TLN2: variants seen among roughly 807,000 people sequenced by gnomAD.
TLN2 encodes the protein talin-2.
Under a neutral mutation model 294.7 loss-of-function variants are expected in TLN2, and 118 were observed. The ratio of observed to expected loss-of-function variants is 0.40; its 90% CI spans 0.34 to 0.47. The LOEUF (loss-of-function observed/expected upper bound fraction) is 0.47, where lower values mean the gene tolerates loss of function less well. TLN2 is among the 20% of genes least tolerant of loss of function. The pLI is 0.84. For synonymous variants in TLN2, 1,431 were observed against 1,304.5 expected (o/e 1.10, Z -2.09); for missense variants, 3,083 against 3,282.2 (o/e 0.94, Z 1.48).
intron 54 of TLN2, chr15:62,831,263 A>G (rs2141243786): frequency 6.6e-6 from 1 of 152,140 alleles, no homozygotes; most frequent in African/African-American, 2.4e-5. Flanking sequence ...GTAGCTGAGG[A>G]CACCTGAGGC....
intron 1 of TLN2, among the ~76,000 whole-genome samples, chr15:62,535,268 T>G (rs1472878108): frequency 6.6e-6 from 1 of 152,058 alleles, no homozygotes; most frequent in Non-Finnish European, 1.5e-5. Context: ...CTTCCAAAAC[T>G]CAGAAACCTC....
At chr15:62,720,584 A>G (rs1478625632) in intron 25 of TLN2, among the ~76,000 whole-genome samples, 1 of 152,188 alleles carries the variant, frequency 6.6e-6, no homozygotes, top group East Asian at 1.9e-4. Flanking sequence ...TCTAACATGC[A>G]GAAATAAAAC....
chr15:62,488,239 G>A (rs1595917158), intron 1 of TLN2, among the ~76,000 whole-genome samples: 1 of 152,182 alleles, frequency 6.6e-6, no homozygotes, highest in South Asian at 2.1e-4. Context: ...TGTCTTGACT[G>A]TCCTCCATAG....
chr15:62,829,046 G>C (rs2068496036), intron 54 of TLN2: 1 of 151,768 alleles, frequency 6.6e-6, no homozygotes, highest in South Asian at 2.1e-4. Flanking sequence ...TCTTTAACCA[G>C]ATCCTCAGGT....
At chr15:62,436,730 T>G (rs1457105303) in intron 1 of TLN2, among the ~76,000 whole-genome samples, 1 of 152,194 alleles carries the variant, frequency 6.6e-6, no homozygotes, top group African/African-American at 2.4e-5. Flanking sequence ...CTTTATTTAT[T>G]TATTTTTTTT....
intron 1 of TLN2, among the ~76,000 whole-genome samples, chr15:62,451,998 G>C (rs894976508): frequency 5.9e-5 from 9 of 152,134 alleles, no homozygotes; most frequent in African/African-American, 2.2e-4. Flanking sequence ...TGGGCAAAGG[G>C]TGATTGTAAC....
At chr15:62,694,148 A>G (rs572069796) in intron 13 of TLN2, among the ~76,000 whole-genome samples, 168 bp from the exon 14 acceptor site, 102 of 151,672 alleles carry the variant, frequency 6.7e-4, no homozygotes, top group African/African-American at 2.4e-3. Context: ...ATGTATATAT[A>G]TATTTTTTAT....
chr15:62,478,881 T>A (rs1043055919), intron 1 of TLN2, among the ~76,000 whole-genome samples: 1 of 152,272 alleles, frequency 6.6e-6, no homozygotes. Context: ...AGTTCTGGGC[T>A]GGGCCAAGCC....
At chr15:62,438,681 C>A (rs1789830095) in intron 1 of TLN2, among the ~76,000 whole-genome samples, 1 of 152,190 alleles carries the variant, frequency 6.6e-6, no homozygotes, top group Non-Finnish European at 1.5e-5. Flanking sequence ...GCTACTGAGA[C>A]CATATAAAAC....
At chr15:62,433,632 T>C (rs2035135289) in intron 1 of TLN2, among the ~76,000 whole-genome samples, 1 of 152,148 alleles carries the variant, frequency 6.6e-6, no homozygotes. Flanking sequence ...CACTGGTTTT[T>C]TTCCCCCAGA....
chr15:62,677,733 CTCTT>C (rs895545149), intron 11 of TLN2, among the ~76,000 whole-genome samples: 7 of 144,162 alleles, frequency 4.9e-5, no homozygotes, highest in African/African-American at 1.0e-4. Flanking sequence ...TCCCTTCTTT[CTCTT>C]TATTTTTTTT....
intron 1 of TLN2, among the ~76,000 whole-genome samples, chr15:62,549,484 CCA>C (rs2042177255): frequency 2.5e-5 from 3 of 118,946 alleles, no homozygotes; most frequent in African/African-American, 1.1e-4. Flanking sequence ...TGCCATGCAT[CCA>C]TCCATCCATC....
In TLN2 at chr15:62,800,788, C is replaced by T; in HGVS notation, c.6477+19C>T. 1.3e-6 allele frequency: 2 copies of T among 1,597,130 alleles called. No individual in the cohort carries two copies. The highest frequency in any genetic ancestry group is 1.7e-6 in the Non-Finnish European group (2 of 1,170,112). On this transcript the variant is annotated intron_variant, in intron 50 of 58. Coordinates refer to ENST00000636159, the MANE Select transcript of TLN2 (RefSeq NM_015059.3). ...GCTTACGGTAAGGAGCCAGCAGTTA[C>T]CTCCCTTGGGTACCAGAGTCCCACA...
intron 3 of TLN2, chr15:62,640,388 G>A (rs751724152): frequency 1.5e-5 from 7 of 455,960 alleles, no homozygotes; most frequent in South Asian, 4.6e-5. Context: ...AGAGGGGGAC[G>A]GTGGCCAGCT....
At chr15:62,622,043 T>C (rs1396224534) in intron 3 of TLN2, among the ~76,000 whole-genome samples, 1 of 150,200 alleles carries the variant, frequency 6.7e-6, no homozygotes, top group Non-Finnish European at 1.5e-5. Context: ...GGCAGTGCCA[T>C]GTATGAGCCA....
chr15:62,541,318 A>C (rs530257591), intron 1 of TLN2, among the ~76,000 whole-genome samples: 1 of 152,284 alleles, frequency 6.6e-6, no homozygotes, highest in East Asian at 1.9e-4. Flanking sequence ...GACTATTGCT[A>C]TTATTGGCCA....
chr15:62,471,823 A>G (rs1283860403), intron 1 of TLN2, among the ~76,000 whole-genome samples: 1 of 152,138 alleles, frequency 6.6e-6, no homozygotes, highest in Non-Finnish European at 1.5e-5. Flanking sequence ...TAGTCTTCCC[A>G]AAGGCTGCAG....
intron 1 of TLN2, among the ~76,000 whole-genome samples, chr15:62,472,096 C>T (rs1254893787): frequency 6.6e-6 from 1 of 152,168 alleles, no homozygotes; most frequent in Non-Finnish European, 1.5e-5. Context: ...CTGTTCCCAC[C>T]TTTCCCATGC....
In TLN2 at chr15:62,820,621, A is replaced by G. The variant is rs2067480620; in HGVS notation, c.7002+11A>G. Reference sequence around the variant, plus strand: ...AGAGCAAAACCAAAAGTAAGTGTTCATTTATGGTTGGCTGTCCGATGTCAG... The same window carrying G: ...AGAGCAAAACCAAAAGTAAGTGTTCGTTTATGGTTGGCTGTCCGATGTCAG... On this transcript the variant is annotated intron_variant, in intron 54 of 58. Coordinates refer to ENST00000636159, the MANE Select transcript of TLN2 (RefSeq NM_015059.3). 1 of 1,611,708 alleles carries G rather than the reference A, an allele frequency of 6.2e-7. No individual in the cohort carries two copies. The highest frequency in any genetic ancestry group is 8.5e-7 in the Non-Finnish European group (1 of 1,178,558).
Sources: allele counts gnomAD v4.1 joint callset (sites outside exome capture counted in the v4.1 genomes callset), GRCh38; gene constraint gnomAD v4.1.1; transcripts MANE v1.5; gene names NCBI Gene and HGNC (gene_info 2026-07-23, HGNC 2026-07-21).